SUGCT: variants seen among roughly 807,000 people sequenced by gnomAD.
SUGCT encodes succinyl-CoA:glutarate-CoA transferase.
In SUGCT, 41 loss-of-function variants were observed where a neutral mutation model predicts 55.0. The ratio of observed to expected loss-of-function variants is 0.74; its 90% CI spans 0.58 to 0.97. The LOEUF (loss-of-function observed/expected upper bound fraction) is 0.97, where lower values mean the gene tolerates loss of function less well. SUGCT is among the 50% of genes least tolerant of loss of function. SUGCT has a pLI of 0.00. For missense variants in SUGCT, 568 were observed against 547.8 expected (o/e 1.04, Z -0.37); for synonymous variants, 187 against 200.4 (o/e 0.93, Z 0.56).
At chr7:40,181,746 CAAA>C (rs35533534) in intron 2 of SUGCT, among the ~76,000 whole-genome samples, 7 of 103,884 alleles carry the variant, frequency 6.7e-5, no homozygotes, top group Admixed American at 9.4e-5. Flanking sequence ...ACTCCGTCTC[CAAA>C]AAAAAAAAAA....
At chr7:40,898,480 C>CGGGGGGGGGGGGGGGGGGGGG in the SUGCT span, among the ~76,000 whole-genome samples, 3 of 5,720 alleles carry the variant, frequency 5.2e-4, 1 homozygote. Flanking sequence ...TCCGGGAGGT[C>CGGGGGGGGGGGGGGGGGGGGG]GGGGGGGGGG....
the SUGCT span, among the ~76,000 whole-genome samples, chr7:40,892,233 A>C: frequency 1.3e-5 from 2 of 152,226 alleles, no homozygotes; most frequent in East Asian, 3.9e-4. Flanking sequence ...GGAGAAGTTA[A>C]AGTGTAGAGT....
At position 40,188,496 on chromosome 7, in the gene SUGCT, A is replaced by C; in HGVS notation, c.228A>C (p.Gly76=). 2 of 1,503,536 alleles carry C rather than the reference A, an allele frequency of 1.3e-6. No homozygotes were observed. Among genetic ancestry groups the C allele is most frequent in the Non-Finnish European group, 1.8e-6 (2 of 1,089,064 alleles). The allele number at this position is 1,503,536 out of a possible 1,614,324, so 93.1% of individuals were successfully genotyped here. A position where few individuals can be genotyped will look rare whatever the true frequency, so the allele number is the denominator to read the frequency against. The change falls in exon 4 of 14, where the codon GGA becomes GGC. Residue 76 remains glycine, a splice_region_variant and synonymous_variant. Transcript: ENST00000335693. ...GAEVIKVERP[G]AGDDTRTWGP... ...AATAGCTCATGTTATTATTTTCAGG[A>C]GCTGGTGATGATACACGAACTTGGG...
At chr7:40,917,305 C>T in the SUGCT span, among the ~76,000 whole-genome samples, 1 of 152,208 alleles carries the variant, frequency 6.6e-6, no homozygotes, top group African/African-American at 2.4e-5. Flanking sequence ...GAAGAAGGAG[C>T]AGTTCTTGGT....
intron 8 of SUGCT, among the ~76,000 whole-genome samples, chr7:40,316,128 TG>T (rs1795419186): frequency 6.6e-6 from 1 of 152,096 alleles, no homozygotes; most frequent in Non-Finnish European, 1.5e-5. Flanking sequence ...AGGAACAAAT[TG>T]GGAGAAGTAC....
chr7:40,777,038 C>T (rs1347893171), intron 13 of SUGCT, among the ~76,000 whole-genome samples: 1 of 152,158 alleles, frequency 6.6e-6, no homozygotes, highest in African/African-American at 2.4e-5. Flanking sequence ...ATCTTAGAAG[C>T]TCTATTATGG....
chr7:40,420,419 A>G (rs965690131), intron 9 of SUGCT, among the ~76,000 whole-genome samples: 26 of 152,022 alleles, frequency 1.7e-4, no homozygotes, highest in African/African-American at 4.1e-4. Flanking sequence ...GCTCACTGCA[A>G]TCTCCATCTC....
At chr7:40,656,492 A>G (rs1801023607) in intron 12 of SUGCT, among the ~76,000 whole-genome samples, 1 of 152,186 alleles carries the variant, frequency 6.6e-6, no homozygotes, top group Admixed American at 6.5e-5. Flanking sequence ...AAAAAGTGTA[A>G]TTAAACCAAC....
At chr7:40,408,148 T>C (rs772989474) in intron 9 of SUGCT, among the ~76,000 whole-genome samples, 5 of 152,154 alleles carry the variant, frequency 3.3e-5, no homozygotes, top group Non-Finnish European at 5.9e-5. Context: ...TAATTACAGT[T>C]ACCTCCTTTT....
At chr7:40,254,514 CAGCCTCCTGA>C (rs1351470536) in intron 7 of SUGCT, among the ~76,000 whole-genome samples, 1 of 151,948 alleles carries the variant, frequency 6.6e-6, no homozygotes, top group Non-Finnish European at 1.5e-5. Flanking sequence ...TCTCCTGTCT[CAGCCTCCTGA>C]GTAGCTGGGA....
At chr7:40,247,113 A>G (rs1416300790) in intron 7 of SUGCT, among the ~76,000 whole-genome samples, 2 of 152,104 alleles carry the variant, frequency 1.3e-5, no homozygotes, top group African/African-American at 2.4e-5. Flanking sequence ...CTCTTGGTAT[A>G]TACCTACAAG....
chr7:40,164,838 G>A (rs1015831388), intron 1 of SUGCT, among the ~76,000 whole-genome samples: 1 of 152,066 alleles, frequency 6.6e-6, no homozygotes, highest in Non-Finnish European at 1.5e-5. Context: ...CCTTTTCCAC[G>A]AACCTCATTT....
At chr7:40,378,986 A>G (rs1784739654) in intron 9 of SUGCT, among the ~76,000 whole-genome samples, 1 of 152,130 alleles carries the variant, frequency 6.6e-6, no homozygotes, top group Non-Finnish European at 1.5e-5. Context: ...TGAGGGGTGG[A>G]AGTTAGCCTG....
At chr7:40,521,667 T>A (rs1280253143) in intron 12 of SUGCT, among the ~76,000 whole-genome samples, 1 of 152,144 alleles carries the variant, frequency 6.6e-6, no homozygotes, top group African/African-American at 2.4e-5. Flanking sequence ...TTTCTCATTT[T>A]ATTTTTTTTA....
At chr7:40,859,266 C>T (rs1156692642) in intron 13 of SUGCT, among the ~76,000 whole-genome samples, 1 of 152,148 alleles carries the variant, frequency 6.6e-6, no homozygotes, top group African/African-American at 2.4e-5. Flanking sequence ...CCAGCCTCTC[C>T]GTGGAAGAGT....
intron 12 of SUGCT, among the ~76,000 whole-genome samples, chr7:40,544,428 G>T (rs1401712972): frequency 6.6e-6 from 1 of 152,164 alleles, no homozygotes; most frequent in Non-Finnish European, 1.5e-5. Flanking sequence ...AATCTTCTTT[G>T]CAGCGGGCTT....
chr7:40,744,046 C>G (rs907890615), intron 12 of SUGCT, among the ~76,000 whole-genome samples: 4 of 152,100 alleles, frequency 2.6e-5, no homozygotes, highest in African/African-American at 9.6e-5. Flanking sequence ...CTCAGCCTCC[C>G]GAGTAGCTGA....
the SUGCT span, among the ~76,000 whole-genome samples, chr7:41,008,231 T>C: frequency 2.0e-5 from 3 of 152,222 alleles, no homozygotes; most frequent in African/African-American, 7.2e-5. Flanking sequence ...CTGGTTCCAT[T>C]TTCCTCTAGG....
intron 13 of SUGCT, among the ~76,000 whole-genome samples, chr7:40,774,226 G>A (rs192497464): frequency 6.6e-5 from 10 of 152,220 alleles, no homozygotes; most frequent in Non-Finnish European, 7.4e-5. Context: ...AAGTCACAGG[G>A]AAGATAGGAA....
Sources: allele counts gnomAD v4.1 joint callset (sites outside exome capture counted in the v4.1 genomes callset), GRCh38; gene constraint gnomAD v4.1.1; transcripts MANE v1.5; gene names NCBI Gene and HGNC (gene_info 2026-07-23, HGNC 2026-07-21).